The following ADAMTSL3 variants were observed in gnomAD, a reference collection of about 807,000 sequenced individuals.
ADAMTSL3 encodes ADAMTS like 3.
Under a neutral mutation model 201.7 loss-of-function variants are expected in ADAMTSL3, and 128 were observed. The ratio of observed to expected loss-of-function variants is 0.63; its 90% CI spans 0.55 to 0.73. The LOEUF (loss-of-function observed/expected upper bound fraction) is 0.73, where lower values mean the gene tolerates loss of function less well. Among genes scored for constraint, ADAMTSL3 ranks in the 30% least tolerant of loss-of-function variants. The probability of loss-of-function intolerance (pLI) is 0.00; values close to 1 mark genes in which losing one functional copy is unlikely to be tolerated. For missense variants in ADAMTSL3, 1,990 were observed against 2,119.6 expected, an observed-to-expected ratio of 0.94 and a Z score of 1.20; for synonymous variants, 738 against 748.4, an observed-to-expected ratio of 0.99 and a Z score of 0.23.
chr15:83,819,699 CAG>C lies in ADAMTSL3; in HGVS notation c.364-105_364-104del, dbSNP rs2063827851. On this transcript the variant is annotated intron_variant, in intron 5 of 29. Coordinates refer to ENST00000286744, the MANE Select transcript of ADAMTSL3 (RefSeq NM_207517.3). ...AAAAAAGAGGGAATTAGGTGACTCC[CAG>C]AGAGAGGCAAGTGAGGTGTGGTCTC... 3 of 811,300 alleles carry C rather than the reference CAG, an allele frequency of 3.7e-6. No individual in the cohort carries two copies. The East Asian group carries it at 7.4e-5, about 20-fold the overall frequency. The allele number at this position is 811,300 out of a possible 1,614,324, so 50.3% of individuals were successfully genotyped here. A position where few individuals can be genotyped will look rare whatever the true frequency, so the allele number is the denominator to read the frequency against.
chr15:83,713,686 C>T (rs1438479830), intron 3 of ADAMTSL3, among the ~76,000 whole-genome samples: 4 of 152,120 alleles, frequency 2.6e-5, no homozygotes, highest in South Asian at 2.1e-4. Flanking sequence ...AAGACTTCGC[C>T]GATTCTCTGC....
intron 26 of ADAMTSL3, among the ~76,000 whole-genome samples, chr15:84,023,018 T>G (rs1210274992): frequency 6.6e-6 from 1 of 152,184 alleles, no homozygotes; most frequent in African/African-American, 2.4e-5. Context: ...TATATGATTT[T>G]TATATGTCCT....
At chr15:83,831,565 C>G (rs1470850037) in intron 6 of ADAMTSL3, among the ~76,000 whole-genome samples, 2 of 152,180 alleles carry the variant, frequency 1.3e-5, no homozygotes. Context: ...CAAAGTCTCT[C>G]TCACCCAGGC....
intron 19 of ADAMTSL3, among the ~76,000 whole-genome samples, chr15:83,944,247 G>A (rs750197989): frequency 1.2e-4 from 19 of 152,132 alleles, no homozygotes; most frequent in Admixed American, 3.9e-4. Context: ...TGCACTCATG[G>A]CTCTCTTACT....
chr15:83,908,130 A>G (rs1266510158), intron 15 of ADAMTSL3, among the ~76,000 whole-genome samples: 3 of 152,196 alleles, frequency 2.0e-5, no homozygotes, highest in Non-Finnish European at 4.4e-5. Flanking sequence ...CTAAAAGAGC[A>G]TTGTCAAATT....
At chr15:83,785,449 G>A (rs1398412232) in intron 4 of ADAMTSL3, among the ~76,000 whole-genome samples, 1 of 152,090 alleles carries the variant, frequency 6.6e-6, no homozygotes, top group Admixed American at 6.6e-5. Flanking sequence ...ATAAAGCTTG[G>A]TGTACGGTGT....
In ADAMTSL3 at chr15:83,890,178, A is replaced by G. The variant is rs757873226; in HGVS notation, c.1142A>G (p.His381Arg). The change falls in exon 11 of 30, where the codon CAC becomes CGC. Residue 381 changes from histidine (H) to arginine (R), a missense_variant. His to Arg is a conservative substitution (Grantham distance 29). Coordinates refer to ENST00000286744, the MANE Select transcript of ADAMTSL3 (RefSeq NM_207517.3). ...AGGGTAGTTCCTGACCATTATTGTC[A>G]CTACTACCCTGAAAATGTAAAACCA... The part of the protein sequence containing the change: ...LKRVVPDHYC[H>R]YYPENVKPKP... The G allele has an allele frequency of 1.9e-6, 3 of 1,614,056 alleles. No individual in the cohort carries two copies. The highest frequency in any genetic ancestry group is 1.1e-5 in the South Asian group (1 of 91,072).
At chr15:83,953,986 T>A (rs973925041) in intron 19 of ADAMTSL3, among the ~76,000 whole-genome samples, 1 of 152,228 alleles carries the variant, frequency 6.6e-6, no homozygotes, top group African/African-American at 2.4e-5. Context: ...TTTGGGAGTT[T>A]GACTATTAAA....
At chr15:83,866,153 T>C (rs1428457353) in intron 8 of ADAMTSL3, among the ~76,000 whole-genome samples, 2 of 152,250 alleles carry the variant, frequency 1.3e-5, no homozygotes, top group African/African-American at 4.8e-5. Context: ...ACTTTTACAC[T>C]GTTGGTGGAA....
chr15:83,793,459 GTGTTGTTGTTGT>G (rs57822593), intron 4 of ADAMTSL3, among the ~76,000 whole-genome samples: 81 of 150,650 alleles, frequency 5.4e-4, no homozygotes, highest in African/African-American at 1.9e-3. Flanking sequence ...ATCTGTTGGT[GTGTTGTTGTTGT>G]TGTTGTTGTT....
intron 9 of ADAMTSL3, among the ~76,000 whole-genome samples, chr15:83,884,560 C>T (rs1352472546): frequency 6.6e-6 from 1 of 152,030 alleles, no homozygotes. Context: ...CAGGTGTGAG[C>T]CACCGTGCCT....
At position 83,874,157 on chromosome 15, in the gene ADAMTSL3, G is replaced by A. The variant is rs189990321; in HGVS notation, c.960+3198G>A. 8.6e-5 allele frequency among the ~76,000 whole-genome samples: 12 copies of A among 140,284 alleles called. 3 individuals are homozygous for A. The East Asian group carries it at 2.8e-3, about 32-fold the overall frequency. 92.0% of individuals were successfully genotyped at this position (140,284 alleles called of 152,430 possible). ...TGTGGAAAGCCTTCTCCCTCTCCTG[G>A]CGCCAGGACAAAGGAAGCGGGCAGC... On this transcript the variant is annotated intron_variant, in intron 9 of 29. Transcript: ENST00000286744.
At chr15:83,919,246 A>T (rs2066093120) in intron 16 of ADAMTSL3, among the ~76,000 whole-genome samples, 1 of 152,180 alleles carries the variant, frequency 6.6e-6, no homozygotes, top group Admixed American at 6.5e-5. Context: ...AAGAATTTTC[A>T]GGAGAATACC....
chr15:83,913,015 T>G, intron 15 of ADAMTSL3, 77 bp from the exon 16 acceptor site: 1 of 1,482,564 alleles, frequency 6.7e-7, no homozygotes, highest in Non-Finnish European at 9.1e-7. Flanking sequence ...CTTCGTTGAA[T>G]GTGTCACTCC....
intron 9 of ADAMTSL3, among the ~76,000 whole-genome samples, chr15:83,874,418 T>C (rs2065139767): frequency 6.9e-6 from 1 of 144,442 alleles, no homozygotes; most frequent in South Asian, 2.1e-4. Context: ...CTCCTTCAGT[T>C]CCTGAGTGGT....
chr15:83,743,053 G>A (rs2141644045), intron 3 of ADAMTSL3, among the ~76,000 whole-genome samples: 1 of 152,082 alleles, frequency 6.6e-6, no homozygotes, highest in East Asian at 1.9e-4. Context: ...CTTATATCTA[G>A]TACTTACATT....
chr15:83,867,644 A>G (rs779641291), intron 8 of ADAMTSL3, among the ~76,000 whole-genome samples: 2 of 152,228 alleles, frequency 1.3e-5, no homozygotes, highest in African/African-American at 4.8e-5. Context: ...AAATTAGCAT[A>G]TGCTATAGAA....
chr15:83,920,186 A>G (rs1019661959), intron 16 of ADAMTSL3, among the ~76,000 whole-genome samples: 3 of 152,214 alleles, frequency 2.0e-5, no homozygotes, highest in Non-Finnish European at 4.4e-5. Flanking sequence ...GCATTGGCCC[A>G]CTATGGGCTC....
rs372947316 is a variant in ADAMTSL3 at position 83,809,315 on chromosome 15, A to G, written c.363+4620A>G. Among the ~76,000 whole-genome samples, 14 of 152,328 alleles carry G rather than the reference A, an allele frequency of 9.2e-5. No homozygotes were observed. In the South Asian group the frequency reaches 2.9e-3, roughly 32 times the overall value. On this transcript the variant is annotated intron_variant, in intron 5 of 29. Coordinates refer to ENST00000286744, the MANE Select transcript of ADAMTSL3 (RefSeq NM_207517.3). Reference sequence around the variant, plus strand: ...AAACTGAAAAATGGGCTTAGCTGGCAGAAACAGAAATAGGGGGTAGAGAGG... The same window carrying G: ...AAACTGAAAAATGGGCTTAGCTGGCGGAAACAGAAATAGGGGGTAGAGAGG...
Sources: allele counts gnomAD v4.1 joint callset (sites outside exome capture counted in the v4.1 genomes callset), GRCh38; gene constraint gnomAD v4.1.1; transcripts MANE v1.5; gene names NCBI Gene and HGNC (gene_info 2026-07-23, HGNC 2026-07-21).